The following KMT2C variants were observed in gnomAD, a reference collection of about 807,000 sequenced individuals.
KMT2C encodes the protein histone-lysine N-methyltransferase 2C.
Under a neutral mutation model 507.9 loss-of-function variants are expected in KMT2C, and 88 were observed. The ratio of observed to expected loss-of-function variants is 0.17; its 90% CI spans 0.15 to 0.21. The LOEUF (loss-of-function observed/expected upper bound fraction) is 0.21. Ranked by LOEUF, KMT2C falls within the 10% of genes least tolerant of loss-of-function variation. KMT2C has a pLI of 1.00. For missense variants in KMT2C, 4,954 were observed against 5,957.8 expected (o/e 0.83, Z 5.55); for synonymous variants, 2,049 against 2,080.8 (o/e 0.98, Z 0.42).
chr7:152,344,985 T>G (rs1438117782), intron 2 of KMT2C, among the ~76,000 whole-genome samples: 1 of 151,142 alleles, frequency 6.6e-6, no homozygotes, highest in Non-Finnish European at 1.5e-5. Context: ...AGACTCTGTC[T>G]CAAAAAATTA....
intron 6 of KMT2C, among the ~76,000 whole-genome samples, chr7:152,294,945 C>G (rs1397863290): frequency 6.6e-6 from 1 of 152,088 alleles, no homozygotes; most frequent in African/African-American, 2.4e-5. Flanking sequence ...GCCACCACTG[C>G]TAGTTAGGAA....
chr7:152,433,306 T>C (rs2097882247), intron 1 of KMT2C, among the ~76,000 whole-genome samples: 1 of 152,388 alleles, frequency 6.6e-6, no homozygotes, highest in Middle Eastern at 3.4e-3. Flanking sequence ...ATAATTTCAC[T>C]GGTTACAAAC....
At chr7:152,157,703 CAA>C in intron 44 of KMT2C, 5 of 1,023,092 alleles carry the variant, frequency 4.9e-6, no homozygotes, top group Non-Finnish European at 6.1e-6. Context: ...CAAGCTCTAT[CAA>C]TTCTGACATG....
chr7:152,247,504 C>A (rs2095490576), intron 14 of KMT2C, among the ~76,000 whole-genome samples: 1 of 152,286 alleles, frequency 6.6e-6, no homozygotes, highest in Non-Finnish European at 1.5e-5. Flanking sequence ...AAAATATATA[C>A]AATGAATAAT....
At chr7:152,336,575 A>G (rs1408300464) in intron 2 of KMT2C, among the ~76,000 whole-genome samples, 1 of 152,166 alleles carries the variant, frequency 6.6e-6, no homozygotes, top group Non-Finnish European at 1.5e-5. Context: ...GTACTCTTGA[A>G]TACTATCCTA....
intron 31 of KMT2C, among the ~76,000 whole-genome samples, chr7:152,191,809 T>C (rs1220516994): frequency 6.6e-6 from 1 of 152,250 alleles, no homozygotes; most frequent in Non-Finnish European, 1.5e-5. Context: ...CTTGAATAAC[T>C]ATGTGTCGCC....
Position 152,241,310 on chromosome 7 carries a change from C to T in KMT2C, c.2533-2484G>A, listed in dbSNP as rs139136673. On this transcript the variant is annotated intron_variant, in intron 14 of 58. Transcript: ENST00000262189. ...TACCTCCCAGGTTCAAGCGATTCTC[C>T]TGCCTCAAGTCTCCTGAGTAGCTGG... Among the ~76,000 whole-genome samples, 18 of 152,354 alleles carry T rather than the reference C, an allele frequency of 1.2e-4. 1 individual carries two copies. Among genetic ancestry groups the T allele is most frequent in the African/African-American group, 3.6e-4 (15 of 41,584 alleles).
chr7:152,367,290 C>T (rs531100223), intron 1 of KMT2C: 1 of 1,189,346 alleles, frequency 8.4e-7, no homozygotes, highest in South Asian at 1.3e-5. Context: ...GCCAACTATT[C>T]CAAGTTTCCC....
intron 1 of KMT2C, among the ~76,000 whole-genome samples, chr7:152,399,054 C>A (rs948433419): frequency 1.2e-4 from 19 of 152,100 alleles, no homozygotes; most frequent in Non-Finnish European, 2.9e-5. Context: ...GTCTCCAACT[C>A]CTGAGCTCAA....
chr7:152,202,267 C>A (rs2094166884), intron 26 of KMT2C, among the ~76,000 whole-genome samples: 1 of 152,080 alleles, frequency 6.6e-6, no homozygotes, highest in Admixed American at 6.6e-5. Context: ...TAGGAATTTA[C>A]AATTAGTTAG....
At chr7:152,358,754 G>T in intron 1 of KMT2C, 79 bp from the exon 2 acceptor site, 1 of 893,116 alleles carries the variant, frequency 1.1e-6, no homozygotes, top group Non-Finnish European at 1.8e-6. Flanking sequence ...TCAACATAAG[G>T]CACAATTTGA....
intron 1 of KMT2C, among the ~76,000 whole-genome samples, chr7:152,380,945 A>C (rs2097368597): frequency 6.6e-6 from 1 of 152,378 alleles, no homozygotes; most frequent in East Asian, 1.9e-4. Context: ...CGAAACTGGA[A>C]CATAATTTAG....
chr7:152,269,050 A>G (rs1373064582), intron 7 of KMT2C, among the ~76,000 whole-genome samples: 1 of 149,808 alleles, frequency 6.7e-6, no homozygotes. Context: ...CTTTTACTCA[A>G]ATTTTTAACA....
chr7:152,415,425 C>T (rs1020608575), intron 1 of KMT2C, among the ~76,000 whole-genome samples: 5 of 152,088 alleles, frequency 3.3e-5, no homozygotes, highest in Admixed American at 1.3e-4. Flanking sequence ...CTTTTCACTA[C>T]ACAAAAGATA....
chr7:152,282,456 A>G (rs2096235200), intron 6 of KMT2C, among the ~76,000 whole-genome samples: 2 of 152,252 alleles, frequency 1.3e-5, no homozygotes, highest in Non-Finnish European at 2.9e-5. Context: ...CAACGGTAAA[A>G]TAAATAAATT....
rs2093415656 is a variant in KMT2C, at chr7:152,180,948, C to T, written c.6912G>A (p.Met2304Ile). Reference protein sequence around the residue: ...AARDPYDQSPMTPRSQSDSFG... With the variant: ...AARDPYDQSPITPRSQSDSFG... ...AAGAGTCAGACTGAGATCTTGGAGTCATTGGAGACTGATCATAGGGATCAC... is the reference window on the plus strand; with the variant it reads ...AAGAGTCAGACTGAGATCTTGGAGTTATTGGAGACTGATCATAGGGATCAC... Residue 2304 changes from methionine (M) to isoleucine (I), a missense_variant, in exon 36 of 59, where the codon ATG (methionine) becomes ATA (isoleucine). Met to Ile is a conservative substitution (Grantham distance 10). Coordinates refer to ENST00000262189, the MANE Select transcript of KMT2C (RefSeq NM_170606.3). 6.2e-7 allele frequency: 1 copy of T among 1,614,132 alleles called. No homozygotes were observed. The highest frequency in any genetic ancestry group is 8.5e-7 in the Non-Finnish European group (1 of 1,180,032).
chr7:152,383,350 T>TG (rs1206933945), intron 1 of KMT2C, among the ~76,000 whole-genome samples: 8 of 152,190 alleles, frequency 5.3e-5, no homozygotes, highest in African/African-American at 9.7e-5. Flanking sequence ...ACATTATCTG[T>TG]GGGAAAAGCA....
chr7:152,292,721 T>C (rs532962937), intron 6 of KMT2C, among the ~76,000 whole-genome samples: 1 of 152,300 alleles, frequency 6.6e-6, no homozygotes, highest in South Asian at 2.1e-4. Context: ...CTAAATAAAC[T>C]TCTATAGCAT....
chr7:152,297,041 GAAAGAAAGAAAGAC>G (rs1159136481), intron 6 of KMT2C, among the ~76,000 whole-genome samples: 18 of 94,722 alleles, frequency 1.9e-4, no homozygotes, highest in East Asian at 6.1e-4. Context: ...AAGAAAGAAA[GAAAGAAAGAAAGAC>G]AGAGAGAGAG....
Sources: gnomAD v4.1 joint callset for allele counts (sites outside exome capture counted in the v4.1 genomes callset) on GRCh38, gnomAD v4.1.1 for gene constraint, MANE v1.5 for transcripts, NCBI Gene and HGNC (gene_info 2026-07-23, HGNC 2026-07-21) for gene names.